The following FER1L6 variants were observed in gnomAD, a reference collection of about 807,000 sequenced individuals.
FER1L6 encodes fer-1-like protein 6.
Under a neutral mutation model 219.2 loss-of-function variants are expected in FER1L6, and 177 were observed. The ratio of observed to expected loss-of-function variants is 0.81; its 90% confidence interval spans 0.71 to 0.91. FER1L6 has a LOEUF of 0.91. Ranked by LOEUF, FER1L6 falls within the 40% of genes least tolerant of loss-of-function variation. The pLI, the probability that FER1L6 is intolerant of heterozygous loss-of-function variation, is 0.00. For missense variants in FER1L6, 2,153 were observed against 2,259.9 expected, an observed-to-expected ratio of 0.95 and a Z score of 0.96; for synonymous variants, 768 against 824.3, an observed-to-expected ratio of 0.93 and a Z score of 1.17.
At chr8:124,022,778 A>G (rs1326253337) in intron 17 of FER1L6, among the ~76,000 whole-genome samples, 1 of 152,052 alleles carries the variant, frequency 6.6e-6, no homozygotes, top group Non-Finnish European at 1.5e-5. Flanking sequence ...GATTGGAAAA[A>G]AAATCCATGG....
chr8:123,984,139 T>C (rs1816448599), intron 11 of FER1L6: 1 of 151,640 alleles, frequency 6.6e-6, no homozygotes, highest in Non-Finnish European at 1.5e-5. Flanking sequence ...CTGCCATTTA[T>C]GGTGATATGT....
chr8:123,886,132 C>T (rs942065341), intron 1 of FER1L6, among the ~76,000 whole-genome samples: 1 of 152,154 alleles, frequency 6.6e-6, no homozygotes. Flanking sequence ...TATAATTGCT[C>T]GATTCCTTAT....
chr8:123,888,481 G>A (rs1453631545), intron 1 of FER1L6, among the ~76,000 whole-genome samples: 1 of 152,160 alleles, frequency 6.6e-6, no homozygotes, highest in African/African-American at 2.4e-5. Flanking sequence ...GCTGTTGAGT[G>A]GGAAAGTGGG....
intron 1 of FER1L6, among the ~76,000 whole-genome samples, chr8:123,861,336 T>C (rs1428681683): frequency 6.8e-6 from 1 of 146,064 alleles, no homozygotes; most frequent in African/African-American, 2.7e-5. Flanking sequence ...GTTCCATTGA[T>C]CTATATCTCT....
At chr8:123,856,316 G>GTGTGTATATA (rs71576706) in intron 1 of FER1L6, among the ~76,000 whole-genome samples, 1 of 45,112 alleles carries the variant, frequency 2.2e-5, no homozygotes, top group African/African-American at 8.7e-5. Flanking sequence ...ATATGTATGT[G>GTGTGTATATA]TATATATATA....
At chr8:123,858,985 A>C (rs1816696189) in intron 1 of FER1L6, among the ~76,000 whole-genome samples, 1 of 148,880 alleles carries the variant, frequency 6.7e-6, no homozygotes, top group African/African-American at 2.5e-5. Flanking sequence ...AGGACAATGT[A>C]ATGTTATTTA....
intron 1 of FER1L6, among the ~76,000 whole-genome samples, chr8:123,880,969 G>A (rs1013390943): frequency 6.6e-6 from 1 of 152,138 alleles, no homozygotes; most frequent in South Asian, 2.1e-4. Context: ...TTTATTGCAC[G>A]TCACCTGCAG....
chr8:124,035,433 C>T lies in FER1L6; in HGVS notation c.2443C>T (p.Pro815Ser), dbSNP rs1158414067. The T allele has an allele frequency of 1.9e-6, 3 of 1,613,088 alleles. No individual in the cohort carries two copies. The highest frequency in any genetic ancestry group is 1.7e-5 in the Admixed American group (1 of 59,980). ...SSKGAGTNHPPSNLLYQEQHV... is the reference protein window; with the variant it reads ...SSKGAGTNHPSSNLLYQEQHV... Reference sequence around the variant, plus strand: ...CAAAGGGGCTGGCACCAATCACCCCCCATCTAACCTGCTCTACCAAGGTAG... The same window carrying T: ...CAAAGGGGCTGGCACCAATCACCCCTCATCTAACCTGCTCTACCAAGGTAG... The change falls in exon 19 of 41, where the codon CCA becomes TCA. Residue 815 changes from proline to serine, a missense_variant. Physicochemically the swap from Pro to Ser is moderately conservative, Grantham distance 74 (BLOSUM62 -1). Transcript: ENST00000522917.
At chr8:124,062,208 T>C (rs1377895597) in intron 25 of FER1L6, among the ~76,000 whole-genome samples, 176 bp downstream of exon 25, 1 of 152,188 alleles carries the variant, frequency 6.6e-6, no homozygotes, top group Non-Finnish European at 1.5e-5. Flanking sequence ...CATTCTTACT[T>C]TGACTCACAT....
At chr8:124,094,549 G>A (rs557040677) in intron 34 of FER1L6, among the ~76,000 whole-genome samples, 12 of 151,914 alleles carry the variant, frequency 7.9e-5, no homozygotes, top group African/African-American at 2.4e-4. Context: ...GCAGTGGCGC[G>A]ATCTCAGCTC....
At chr8:124,053,912 T>C (rs1230934466) in intron 22 of FER1L6, among the ~76,000 whole-genome samples, 1 of 152,114 alleles carries the variant, frequency 6.6e-6, no homozygotes, top group Non-Finnish European at 1.5e-5. Flanking sequence ...CCAGACTGAA[T>C]TCATTATTTT....
intron 1 of FER1L6, among the ~76,000 whole-genome samples, chr8:123,893,343 G>A (rs555767660): frequency 6.6e-6 from 1 of 152,328 alleles, no homozygotes; most frequent in Non-Finnish European, 1.5e-5. Flanking sequence ...AACCCAATAT[G>A]AAGCAGAACA....
At chr8:123,921,981 G>A (rs567685111) in intron 1 of FER1L6, among the ~76,000 whole-genome samples, 1 of 152,356 alleles carries the variant, frequency 6.6e-6, no homozygotes, top group South Asian at 2.1e-4. Context: ...GCTGGGCCAA[G>A]CAGCAGCATG....
intron 1 of FER1L6, among the ~76,000 whole-genome samples, chr8:123,922,517 C>A (rs996479789): frequency 2.0e-5 from 3 of 152,180 alleles, no homozygotes; most frequent in African/African-American, 7.2e-5. Flanking sequence ...AGGGCCCCAG[C>A]AGCCCATCGT....
chr8:124,097,629 C>G (rs1361274447), intron 36 of FER1L6, among the ~76,000 whole-genome samples, 156 bp from the exon 37 acceptor site: 1 of 152,150 alleles, frequency 6.6e-6, no homozygotes, highest in Non-Finnish European at 1.5e-5. Flanking sequence ...AGCTAGGATA[C>G]TTGGTTCTGA....
intron 12 of FER1L6, among the ~76,000 whole-genome samples, chr8:123,995,560 T>C (rs953590475): frequency 6.6e-6 from 1 of 151,268 alleles, no homozygotes; most frequent in Non-Finnish European, 1.5e-5. Flanking sequence ...GGGTCTTCTC[T>C]TTTTTTTTAG....
At chr8:123,919,623 G>A (rs1813299240) in intron 1 of FER1L6, among the ~76,000 whole-genome samples, 1 of 152,204 alleles carries the variant, frequency 6.6e-6, no homozygotes, top group Non-Finnish European at 1.5e-5. Flanking sequence ...ATGGCTCAGT[G>A]CAAAATGGAA....
intron 39 of FER1L6, among the ~76,000 whole-genome samples, chr8:124,115,961 T>G (rs1823227908): frequency 6.6e-6 from 1 of 152,218 alleles, no homozygotes; most frequent in African/African-American, 2.4e-5. Flanking sequence ...AACCCACAGA[T>G]AGAGATCAAA....
intron 1 of FER1L6, among the ~76,000 whole-genome samples, chr8:123,911,543 A>G (rs1286907138): frequency 1.3e-5 from 2 of 152,184 alleles, no homozygotes; most frequent in Admixed American, 6.5e-5. Flanking sequence ...TCAAAGGCAA[A>G]CAGGTAGGAG....
Sources: gnomAD v4.1 joint callset for allele counts (sites outside exome capture counted in the v4.1 genomes callset) on GRCh38, gnomAD v4.1.1 for gene constraint, MANE v1.5 for transcripts, NCBI Gene and HGNC (gene_info 2026-07-23, HGNC 2026-07-21) for gene names.